The following BMP8A variants were observed in gnomAD, a reference collection of about 807,000 sequenced individuals.
The protein encoded by BMP8A is bone morphogenetic protein 8a, also known as BMP-8A.
A neutral mutation model predicts 36.8 loss-of-function variants in BMP8A; 14 were observed. The observed-to-expected ratio is 0.38, with a 90% CI of 0.25 to 0.60. The LOEUF (loss-of-function observed/expected upper bound fraction) is 0.60, where lower values mean the gene tolerates loss of function less well. Ranked by LOEUF, BMP8A falls within the 20% of genes least tolerant of loss-of-function variation. The pLI is 0.63. For synonymous variants in BMP8A, 120 were observed against 237.7 expected (o/e 0.50, Z 4.55); for missense variants, 267 against 551.1 (o/e 0.48, Z 5.16).
At chr1:39,499,966 T>G (rs1472435016) in intron 1 of BMP8A, among the ~76,000 whole-genome samples, 1 of 152,220 alleles carries the variant, frequency 6.6e-6, no homozygotes, top group Non-Finnish European at 1.5e-5. Context: ...ATTGAAGTTT[T>G]GAAGTTCTTC....
At chr1:39,495,985 G>T (rs1645201924) in intron 1 of BMP8A, among the ~76,000 whole-genome samples, 1 of 150,358 alleles carries the variant, frequency 6.7e-6, no homozygotes, top group Non-Finnish European at 1.5e-5. Context: ...CCATGGACAG[G>T]GGTGTTGATG....
In BMP8A at chr1:39,529,326, G is replaced by A. The variant is rs756431855; in HGVS notation, c.*3528G>A. Among the ~76,000 whole-genome samples the A allele has an allele frequency of 5.9e-5, 9 of 152,208 alleles. No individual in the cohort carries two copies. The highest frequency in any genetic ancestry group is 1.2e-4 in the Non-Finnish European group (8 of 68,040). On this transcript the variant is annotated 3_prime_UTR_variant, in exon 7 of 7. Coordinates refer to ENST00000331593, the MANE Select transcript of BMP8A (RefSeq NM_181809.4). ...TATGCTTTTCATCAAAAACCTAAAC[G>A]TGATCATCTCTTGGATGAGGTGTGG...
At chr1:39,518,136 C>T (rs1645407606) in intron 3 of BMP8A, among the ~76,000 whole-genome samples, 1 of 152,170 alleles carries the variant, frequency 6.6e-6, no homozygotes, top group Admixed American at 6.5e-5. Flanking sequence ...TGCACACGTG[C>T]TGTTGACAGC....
intron 1 of BMP8A, among the ~76,000 whole-genome samples, chr1:39,504,009 G>T: frequency 6.6e-6 from 1 of 152,238 alleles, no homozygotes; most frequent in East Asian, 1.9e-4. Context: ...GAAAAATCGT[G>T]ACATTACAGT....
intron 1 of BMP8A, among the ~76,000 whole-genome samples, chr1:39,497,960 G>A (rs553788900): frequency 1.3e-5 from 2 of 152,334 alleles, no homozygotes; most frequent in African/African-American, 2.4e-5. Context: ...GTGGCTTCAC[G>A]GGCATTCTCG....
rs1323555317 is a variant in BMP8A at position 39,528,088 on chromosome 1, T to C, written c.*2290T>C. 1.3e-5 allele frequency among the ~76,000 whole-genome samples: 2 copies of C among 152,206 alleles called. No individual in the cohort carries two copies. The highest frequency in any genetic ancestry group is 2.9e-5 in the Non-Finnish European group (2 of 68,046). On this transcript the variant is annotated 3_prime_UTR_variant, in exon 7 of 7. Transcript: ENST00000331593. Reference sequence around the variant, plus strand: ...GTAACCTGGCATGGTTTGGGTGTGCTAGGAGTTTGTGAAATGAATGTTTTC... The same window carrying C: ...GTAACCTGGCATGGTTTGGGTGTGCCAGGAGTTTGTGAAATGAATGTTTTC...
intron 1 of BMP8A, among the ~76,000 whole-genome samples, chr1:39,505,025 C>T (rs1199325491): frequency 6.6e-6 from 1 of 152,216 alleles, no homozygotes; most frequent in East Asian, 1.9e-4. Flanking sequence ...TTTCTCCTAT[C>T]TCAGTAAATA....
intron 1 of BMP8A, among the ~76,000 whole-genome samples, chr1:39,508,042 G>C (rs1203799266): frequency 6.6e-6 from 1 of 152,182 alleles, no homozygotes; most frequent in Non-Finnish European, 1.5e-5. Context: ...ACAAGATCAG[G>C]AGATCGAGAC....
At chr1:39,492,805 G>A (rs185151161) in intron 1 of BMP8A, among the ~76,000 whole-genome samples, 107 of 152,310 alleles carry the variant, frequency 7.0e-4, no homozygotes, top group African/African-American at 2.5e-3. Context: ...TTCCCTGTGC[G>A]GAGCCTGGGT....
rs1477921267 is a variant in BMP8A, at chr1:39,529,548, A to G, written c.*3750A>G. Among the ~76,000 whole-genome samples the G allele has an allele frequency of 6.6e-6, 1 of 152,232 alleles. No individual in the cohort carries two copies. Among genetic ancestry groups the G allele is most frequent in the East Asian group, 1.9e-4 (1 of 5,198 alleles). ...CTTTCCTTACTGAAAAGTCTTGAGC[A>G]AACAGTTGCCGCTCTCCACCCCCTG... On this transcript the variant is annotated 3_prime_UTR_variant, in exon 7 of 7. Coordinates refer to ENST00000331593, the MANE Select transcript of BMP8A (RefSeq NM_181809.4).
intron 3 of BMP8A, chr1:39,515,593 G>A: frequency 1.3e-6 from 2 of 1,513,906 alleles, no homozygotes; most frequent in Non-Finnish European, 1.8e-6. Context: ...GTGAAAGGGT[G>A]GAAGGCCGAC....
intron 1 of BMP8A, among the ~76,000 whole-genome samples, chr1:39,503,512 T>C (rs866293525): frequency 3.0e-4 from 40 of 132,910 alleles, no homozygotes; most frequent in African/African-American, 1.0e-3. Context: ...GTCTTTCTTT[T>C]TTTTTTTTTT....
intron 1 of BMP8A, among the ~76,000 whole-genome samples, chr1:39,497,456 G>A (rs1645215221): frequency 6.6e-6 from 1 of 152,150 alleles, no homozygotes; most frequent in Non-Finnish European, 1.5e-5. Context: ...TGCTCGTTGG[G>A]TAGCTCCTTC....
Position 39,491,929 on chromosome 1 carries a change from C to A in BMP8A, c.-63C>A. 1.9e-6 allele frequency: 2 copies of A among 1,050,348 alleles called. No individual in the cohort carries two copies. Among genetic ancestry groups the A allele is most frequent in the Non-Finnish European group, 2.3e-6 (2 of 872,508 alleles). The allele number at this position is 1,050,348 out of a possible 1,614,324, so 65.1% of individuals were successfully genotyped here. Reference sequence around the variant, plus strand: ...CTCAGCTCCCCGTTCGCCGTCGGGGCGTCCCCGGGCCCAGGGGCGGCGGCG... The same window carrying A: ...CTCAGCTCCCCGTTCGCCGTCGGGGAGTCCCCGGGCCCAGGGGCGGCGGCG... On this transcript the variant is annotated 5_prime_UTR_variant, in exon 1 of 7. Transcript: ENST00000331593.
rs1390295495 is a variant in BMP8A, at chr1:39,523,038, C to A, written c.980C>A (p.Ala327Asp). 6.2e-7 allele frequency: 1 copy of A among 1,613,448 alleles called. No homozygotes were observed. The highest frequency in any genetic ancestry group is 2.2e-5 in the East Asian group (1 of 44,886). Residue 327 changes from alanine (A) to aspartate (D), a missense_variant, in exon 6 of 7, where the codon GCC (alanine) becomes GAC (aspartate). Ala to Asp is a moderately radical substitution (Grantham distance 126). This residue lies in a region of BMP8A where 132 missense variants were observed against 151.3 expected (regional missense o/e 0.87). Coordinates refer to ENST00000331593, the MANE Select transcript of BMP8A (RefSeq NM_181809.4). ...DWVIAPQGYS[A>D]YYCEGECSFP... ...GTCATCGCCCCCCAAGGCTACTCAGCCTATTACTGTGAGGGGGAGTGCTCC... is the reference window on the plus strand; with the variant it reads ...GTCATCGCCCCCCAAGGCTACTCAGACTATTACTGTGAGGGGGAGTGCTCC...
chr1:39,526,597 CAA>C lies in BMP8A; in HGVS notation c.*801_*802del, dbSNP rs1315467202. On this transcript the variant is annotated 3_prime_UTR_variant, in exon 7 of 7. Coordinates refer to ENST00000331593, the MANE Select transcript of BMP8A (RefSeq NM_181809.4). Reference sequence around the variant, plus strand: ...CAGGTGATCCACCCGCCCGGCCTCCCAAAGTGTTGGGATGACAGGCATGAGCC... The same window carrying C: ...CAGGTGATCCACCCGCCCGGCCTCCCAGTGTTGGGATGACAGGCATGAGCC... 6.6e-6 allele frequency among the ~76,000 whole-genome samples: 1 copy of C among 152,100 alleles called. No individual in the cohort carries two copies. Among genetic ancestry groups the C allele is most frequent in the Admixed American group, 6.5e-5 (1 of 15,276 alleles).
intron 1 of BMP8A, among the ~76,000 whole-genome samples, chr1:39,492,625 C>T (rs966318767): frequency 6.6e-6 from 1 of 152,180 alleles, no homozygotes; most frequent in African/African-American, 2.4e-5. Flanking sequence ...TGGGCTGCCC[C>T]GGGAAGACAG....
chr1:39,525,587 A>G (rs537650703), intron 6 of BMP8A, 62 bp from the exon 7 acceptor site: 86 of 1,591,632 alleles, frequency 5.4e-5, no homozygotes, highest in South Asian at 4.3e-4. Context: ...GGGCGGGGCT[A>G]GGTGGGTCCT....
In BMP8A at chr1:39,522,478, G is replaced by A. The variant is rs1349496214; in HGVS notation, c.944G>A (p.Trp315Ter). ...ELYVSFQDLG[W>*]LDWVIAPQGY... ...TACGTCAGCTTCCAGGACCTTGGCT[G>A]GCTGGTAATTGCTGACTCTCCTTGT... is the stretch of plus-strand genomic sequence containing the variant. The change falls in exon 5 of 7, where the codon TGG becomes TAG. Residue 315 changes from tryptophan to a stop codon, truncating the protein, a stop_gained. Coordinates refer to ENST00000331593, the MANE Select transcript of BMP8A (RefSeq NM_181809.4). LOFTEE classifies it high-confidence loss of function. 2 of 1,613,728 alleles carry A rather than the reference G, an allele frequency of 1.2e-6. No homozygotes were observed. The highest frequency in any genetic ancestry group is 1.7e-6 in the Non-Finnish European group (2 of 1,179,826).
Sources: allele counts gnomAD v4.1 joint callset (sites outside exome capture counted in the v4.1 genomes callset), GRCh38; gene constraint gnomAD v4.1.1; regional missense constraint gnomAD v4.1.1; transcripts MANE v1.5; gene names NCBI Gene and HGNC (gene_info 2026-07-23, HGNC 2026-07-21).